SATB2: variants seen among roughly 807,000 people sequenced by gnomAD.
SATB2 encodes the protein DNA-binding protein SATB2.
SATB2 carries 1 observed loss-of-function variant against 73.4 expected under a neutral mutation model. The ratio of observed to expected loss-of-function variants is 0.01; its 90% CI spans 0.00 to 0.06. SATB2 has a LOEUF of 0.06. SATB2 is among the 10% of genes least tolerant of loss of function. The pLI, the probability that SATB2 is intolerant of heterozygous loss-of-function variation, is 1.00. For synonymous variants in SATB2, 397 were observed against 367.0 expected, an observed-to-expected ratio of 1.08 and a Z score of -0.93; for missense variants, 459 against 945.8, an observed-to-expected ratio of 0.49 and a Z score of 6.75.
rs781440499 is a variant in SATB2 at position 199,323,876 on chromosome 2, T to C, written c.1469A>G (p.Glu490Gly). The change falls in exon 9 of 11, where the codon GAG (glutamate) becomes GGG (glycine). Residue 490 changes from glutamate to glycine, a missense_variant. This residue lies in a region of SATB2 where 53 missense variants were observed against 70.5 expected (regional missense o/e 0.75). Transcript: ENST00000417098. Reference protein sequence around the residue: ...NINITAAIYDEIQQEMKRAKV... With the variant: ...NINITAAIYDGIQQEMKRAKV... ...GGCCCTTTTCATCTCCTGTTGGATC[T>C]CGTCATAAATGGCAGCTGTGATGTT... 1 of 1,613,564 alleles carries C rather than the reference T, an allele frequency of 6.2e-7. No individual in the cohort carries two copies. Among genetic ancestry groups the C allele is most frequent in the Non-Finnish European group, 8.5e-7 (1 of 1,179,618 alleles).
intron 3 of SATB2, among the ~76,000 whole-genome samples, chr2:199,429,839 G>C (rs1691447265): frequency 6.6e-6 from 1 of 152,346 alleles, no homozygotes; most frequent in Admixed American, 6.5e-5. Flanking sequence ...GAAACCGGCA[G>C]GCAGAGGTTG....
intron 5 of SATB2, among the ~76,000 whole-genome samples, chr2:199,375,772 G>T (rs560538575): frequency 6.6e-6 from 1 of 152,242 alleles, no homozygotes; most frequent in African/African-American, 2.4e-5. Flanking sequence ...AGTAGTACTG[G>T]ATGCCTCACT....
At chr2:199,334,992 CT>C (rs1688295208) in intron 7 of SATB2, among the ~76,000 whole-genome samples, 1 of 152,030 alleles carries the variant, frequency 6.6e-6, no homozygotes, top group Admixed American at 6.6e-5. Context: ...ATGAATCTGG[CT>C]GCTGAAATTC....
chr2:199,451,107 C>G (rs1692110572), intron 2 of SATB2, among the ~76,000 whole-genome samples: 1 of 151,416 alleles, frequency 6.6e-6, no homozygotes, highest in South Asian at 2.1e-4. Context: ...CACACACACA[C>G]ACACACACAC....
intron 5 of SATB2, among the ~76,000 whole-genome samples, chr2:199,372,182 G>A (rs1273125105): frequency 6.6e-6 from 1 of 152,072 alleles, no homozygotes; most frequent in Non-Finnish European, 1.5e-5. Flanking sequence ...AAGTATAAAG[G>A]TTTTTGGATG....
intron 2 of SATB2, among the ~76,000 whole-genome samples, chr2:199,442,758 TTAAA>T (rs1482531725): frequency 1.3e-5 from 2 of 151,942 alleles, no homozygotes; most frequent in Admixed American, 6.6e-5. Context: ...AAATAAATAA[TTAAA>T]TAACTTTTAA....
chr2:199,357,331 A>G (rs928146307), intron 6 of SATB2, among the ~76,000 whole-genome samples: 3 of 152,220 alleles, frequency 2.0e-5, no homozygotes, highest in Non-Finnish European at 4.4e-5. Context: ...AAAGACTGTC[A>G]ATTCAAAAAG....
At position 199,364,268 on chromosome 2, in the gene SATB2, G is replaced by A. The variant is rs368642432; in HGVS notation, c.700+4337C>T. ...CCCACTTAACCACTTTAGTACAGAG[G>A]ACTAGTTCAAGGAGTTTAATTTTCA... On this transcript the variant is annotated intron_variant, in intron 6 of 10. Transcript: ENST00000417098. 3.5e-3 allele frequency among the ~76,000 whole-genome samples: 534 copies of A among 152,088 alleles called. 40 individuals carry two copies. In the South Asian group the frequency reaches 0.11, roughly 31 times the overall value.
At chr2:199,376,574 T>C (rs758564259) in intron 5 of SATB2, among the ~76,000 whole-genome samples, 1 of 152,134 alleles carries the variant, frequency 6.6e-6, no homozygotes, top group Non-Finnish European at 1.5e-5. Context: ...CCACAAAGAA[T>C]TATCCTGCTA....
At chr2:199,401,949 C>T (rs879667935) in intron 3 of SATB2, among the ~76,000 whole-genome samples, 1 of 152,064 alleles carries the variant, frequency 6.6e-6, no homozygotes, top group Non-Finnish European at 1.5e-5. Context: ...GGGGAGGCTG[C>T]CCTGAAGTGG....
intron 7 of SATB2, among the ~76,000 whole-genome samples, chr2:199,337,926 G>A (rs1184699808): frequency 1.3e-5 from 2 of 152,098 alleles, no homozygotes; most frequent in East Asian, 3.8e-4. Context: ...CTTTAATTGA[G>A]CAATGGTGAA....
chr2:199,459,622 A>G, upstream of SATB2: 1 of 151,806 alleles, frequency 6.6e-6, no homozygotes, highest in Non-Finnish European at 1.5e-5. This position sits in a 1 kb window ranked among gnomAD's most constrained non-coding sequence, Gnocchi z 4.2. Context: ...GCACACGTTG[A>G]CTCTCCCTCC....
chr2:199,270,474 A>G lies in SATB2; in HGVS notation c.*1737T>C, dbSNP rs1692119779. ...AAAATAACTTTCAAAGTGATATTGC[A>G]TGAGGTCTTTGACAAGGTTTTGTGA... On this transcript the variant is annotated 3_prime_UTR_variant, in exon 11 of 11. Coordinates refer to ENST00000417098, the MANE Select transcript of SATB2 (RefSeq NM_001172509.2). 1 of 150,772 alleles carries G rather than the reference A, an allele frequency of 6.6e-6. No homozygotes were observed. 9.3% of individuals were successfully genotyped at this position (150,772 alleles called of 1,614,324 possible).
rs1026015302 is a variant in SATB2, at chr2:199,270,427, A to G, written c.*1784T>C. Reference sequence around the variant, plus strand: ...TATAAATAGTATTAACAGTTATATTACAATGTTTGTGTAGTAAACAGAAAA... The same window carrying G: ...TATAAATAGTATTAACAGTTATATTGCAATGTTTGTGTAGTAAACAGAAAA... On this transcript the variant is annotated 3_prime_UTR_variant, in exon 11 of 11. Coordinates refer to ENST00000417098, the MANE Select transcript of SATB2 (RefSeq NM_001172509.2). 1 of 152,348 alleles carries G rather than the reference A, an allele frequency of 6.6e-6. No homozygotes were observed. Among genetic ancestry groups the G allele is most frequent in the African/African-American group, 2.4e-5 (1 of 41,332 alleles). 9.4% of individuals were successfully genotyped at this position (152,348 alleles called of 1,614,324 possible). A position where few individuals can be genotyped will look rare whatever the true frequency, so the allele number is the denominator to read the frequency against.
chr2:199,409,167 C>CTTTTTTTTTTTTTTT (rs67330007), intron 3 of SATB2, among the ~76,000 whole-genome samples: 1 of 115,242 alleles, frequency 8.7e-6, no homozygotes, highest in African/African-American at 3.0e-5. Context: ...TTTTTCTTTT[C>CTTTTTTTTTTTTTTT]TTTTTTTTTT....
chr2:199,353,949 G>A lies in SATB2; in HGVS notation c.701-4776C>T, dbSNP rs377059896. ...ATTTAGCAGAAGATCAGAAATCCTG[G>A]AAAAAATGAAGGGTAAAAGGTAGTG... On this transcript the variant is annotated intron_variant, in intron 6 of 10. Transcript: ENST00000417098. Among the ~76,000 whole-genome samples, 3 of 152,242 alleles carry A rather than the reference G, an allele frequency of 2.0e-5. No homozygotes were observed. The East Asian group carries it at 5.8e-4, about 29-fold the overall frequency.
chr2:199,449,859 G>A (rs1340374433), intron 2 of SATB2, among the ~76,000 whole-genome samples: 1 of 152,092 alleles, frequency 6.6e-6, no homozygotes, highest in Non-Finnish European at 1.5e-5. Flanking sequence ...AGTGAAAAAA[G>A]ACCATACAAT....
chr2:199,368,903 T>C (rs1689364486), intron 5 of SATB2, 196 bp from the exon 6 acceptor site: 1 of 490,006 alleles, frequency 2.0e-6, no homozygotes, highest in African/African-American at 2.0e-5. Flanking sequence ...ATGATAGTGC[T>C]TTCTCCAAAA....
intron 3 of SATB2, among the ~76,000 whole-genome samples, chr2:199,415,207 T>C (rs2105907526): frequency 6.6e-6 from 1 of 152,356 alleles, no homozygotes; most frequent in Middle Eastern, 3.4e-3. Flanking sequence ...CACATATGTG[T>C]GACTACAAGC....
Sources: gnomAD v4.1 joint callset for allele counts (sites outside exome capture counted in the v4.1 genomes callset) on GRCh38, gnomAD v4.1.1 for gene constraint, gnomAD v4.1.1 regional missense constraint, Gnocchi (gnomAD v3.1) non-coding constraint, MANE v1.5 for transcripts, NCBI Gene and HGNC (gene_info 2026-07-23, HGNC 2026-07-21) for gene names.